The following SHISA5 variants were observed in gnomAD, a reference collection of about 807,000 sequenced individuals.
SHISA5 encodes the protein shisa family member 5, also known as protein shisa-5.
A neutral mutation model predicts 27.5 loss-of-function variants in SHISA5; 21 were observed. That is an observed-to-expected ratio of 0.76 (90% CI 0.54 to 1.10). SHISA5 has a LOEUF of 1.10. Among genes scored for constraint, SHISA5 ranks in the 50% least tolerant of loss-of-function variants. The probability of loss-of-function intolerance (pLI) is 0.00; values close to 1 mark genes in which losing one functional copy is unlikely to be tolerated. For synonymous variants in SHISA5, 137 were observed against 142.2 expected (o/e 0.96, Z 0.26); for missense variants, 314 against 336.3 (o/e 0.93, Z 0.52).
intron 2 of SHISA5, among the ~76,000 whole-genome samples, chr3:48,488,176 C>T (rs1231096394): frequency 6.7e-6 from 1 of 149,370 alleles, no homozygotes; most frequent in African/African-American, 2.5e-5. Context: ...TTGAGCAATT[C>T]AGAGGAAAAC....
chr3:48,473,262 A>G lies in SHISA5; in HGVS notation c.315-3419T>C. On this transcript the variant is annotated intron_variant, in intron 3 of 5. Transcript: ENST00000296444. The surrounding 1 kb of genome is among the most constrained non-coding windows in gnomAD (Gnocchi z 4.3). The stretch of plus-strand genomic sequence containing the variant: ...GGGGCGGGGGCCGGGGAGGAGGGGA[A>G]GCAGAGGTGCCCCATTTGCCTCCCA... The G allele has an allele frequency of 7.1e-7, 1 of 1,414,828 alleles. No homozygotes were observed. Among genetic ancestry groups the G allele is most frequent in the African/African-American group, 1.4e-5 (1 of 69,360 alleles). 87.6% of individuals were successfully genotyped at this position (1,414,828 alleles called of 1,614,324 possible).
rs541713840 is a variant in SHISA5, at chr3:48,467,949, C to T, written c.*1158G>A. ...GAAACACAACAGATTTGAGCTAAGA[C>T]AGCTCTGGTGAAACAGTAATAGAGG... is the stretch of plus-strand genomic sequence containing the variant. On this transcript the variant is annotated 3_prime_UTR_variant, in exon 6 of 6. Coordinates refer to ENST00000296444, the MANE Select transcript of SHISA5 (RefSeq NM_016479.6). 2.3e-4 allele frequency: 71 copies of T among 304,560 alleles called. 1 individual carries two copies. The highest frequency in any genetic ancestry group is 1.4e-3 in the African/African-American group (68 of 47,084). 18.9% of individuals were successfully genotyped at this position (304,560 alleles called of 1,614,324 possible). A position where few individuals can be genotyped will look rare whatever the true frequency, so the allele number is the denominator to read the frequency against.
Position 48,473,048 on chromosome 3 carries a change from A to T in SHISA5, c.315-3205T>A. The T allele has an allele frequency of 6.5e-7, 1 of 1,531,710 alleles. No homozygotes were observed. The highest frequency in any genetic ancestry group is 8.7e-7 in the Non-Finnish European group (1 of 1,145,734). 94.9% of individuals were successfully genotyped at this position (1,531,710 alleles called of 1,614,324 possible). A position where few individuals can be genotyped will look rare whatever the true frequency, so the allele number is the denominator to read the frequency against. ...CTGCCTTCACCCAGAGGCCTCCTGT[A>T]CCCCTGGGCTTTCCCCTCTTCCCAT... On this transcript the variant is annotated intron_variant, in intron 3 of 5. Transcript: ENST00000296444. This position sits in a 1 kb window ranked among gnomAD's most constrained non-coding sequence, Gnocchi z 4.3.
At chr3:48,501,060 A>G (rs921874488) in intron 2 of SHISA5, 77 bp downstream of exon 2, 38 of 1,460,398 alleles carry the variant, frequency 2.6e-5, no homozygotes, top group Non-Finnish European at 3.2e-5. Context: ...AGAGGGGCAG[A>G]GCTATCTCTC....
chr3:48,500,061 G>T (rs1575334251), intron 2 of SHISA5, among the ~76,000 whole-genome samples: 1 of 151,888 alleles, frequency 6.6e-6, no homozygotes. Context: ...GTTTCCAAGA[G>T]AATTCTTACA....
chr3:48,475,061 G>A (rs1000991317), intron 3 of SHISA5, among the ~76,000 whole-genome samples: 2 of 151,880 alleles, frequency 1.3e-5, no homozygotes, highest in Non-Finnish European at 2.9e-5. Context: ...TACAGCTTTC[G>A]GCCACCACTA....
intron 3 of SHISA5, among the ~76,000 whole-genome samples, chr3:48,472,324 C>A (rs2040660363): frequency 6.6e-6 from 1 of 150,888 alleles, no homozygotes; most frequent in Non-Finnish European, 1.5e-5. Context: ...CCCATCTCTA[C>A]TAAAATACAA....
chr3:48,469,563 G>A lies in SHISA5; in HGVS notation c.441C>T (p.Thr147=), dbSNP rs761492896. The A allele has an allele frequency of 7.0e-5, 112 of 1,606,798 alleles. No homozygotes were observed. The Middle Eastern group carries it at 2.7e-3, about 38-fold the overall frequency. ...GCACCACAGTGGTGGATGTGGTGGT[G>A]GTGACAACCGCTGCAAAGAGAATTC... is the stretch of plus-strand genomic sequence containing the variant. ...KTCRRPRPVV[T]TTTSTTVVHA... is the part of the protein sequence containing the mutation. The change falls in exon 5 of 6, where the codon ACC becomes ACT. Residue 147 remains threonine (T), a synonymous_variant. Transcript: ENST00000296444. The surrounding 1 kb of genome is among the most constrained non-coding windows in gnomAD (Gnocchi z 4.6).
At chr3:48,476,113 C>T (rs1262787728) in intron 3 of SHISA5, among the ~76,000 whole-genome samples, 1 of 151,994 alleles carries the variant, frequency 6.6e-6, no homozygotes, top group Admixed American at 6.6e-5. Flanking sequence ...GAGGCTGAGG[C>T]GGGCAGATCA....
At chr3:48,483,805 C>T (rs1360211367) in intron 2 of SHISA5, among the ~76,000 whole-genome samples, 3 of 149,870 alleles carry the variant, frequency 2.0e-5, no homozygotes, top group Admixed American at 6.7e-5. Context: ...GGCGGCTGGC[C>T]GGGCGGGGGG....
At chr3:48,479,353 A>G in intron 2 of SHISA5, 96 bp from the exon 3 acceptor site, 1 of 1,227,776 alleles carries the variant, frequency 8.1e-7, no homozygotes, top group Non-Finnish European at 1.1e-6. Context: ...CACAGAAGCT[A>G]CTATGAACCG....
At chr3:48,490,885 C>G (rs1472028071) in intron 2 of SHISA5, among the ~76,000 whole-genome samples, 2 of 152,116 alleles carry the variant, frequency 1.3e-5, no homozygotes, top group Non-Finnish European at 1.5e-5. Context: ...GAATAGGAAA[C>G]ATTTGTCATC....
In SHISA5 at chr3:48,473,514, C is replaced by T; in HGVS notation, c.315-3671G>A. The T allele has an allele frequency of 7.8e-7, 1 of 1,289,742 alleles. No individual in the cohort carries two copies. Among genetic ancestry groups the T allele is most frequent in the Non-Finnish European group, 1.0e-6 (1 of 989,182 alleles). 79.9% of individuals were successfully genotyped at this position (1,289,742 alleles called of 1,614,324 possible). ...GGCGACCCTGGGGCCCTGGCTGACA[C>T]ACATGCAAGGAGCAAAGTCCAGCCT... is the stretch of plus-strand genomic sequence containing the variant. On this transcript the variant is annotated intron_variant, in intron 3 of 5. Transcript: ENST00000296444. This position sits in a 1 kb window ranked among gnomAD's most constrained non-coding sequence, Gnocchi z 4.3.
At chr3:48,486,625 G>A (rs964983812) in intron 2 of SHISA5, among the ~76,000 whole-genome samples, 8 of 136,370 alleles carry the variant, frequency 5.9e-5, no homozygotes, top group African/African-American at 1.1e-4. Context: ...TAGATTATAA[G>A]CTCACGCCTA....
rs1020553860 is a variant in SHISA5 at position 48,470,266 on chromosome 3, G to A, written c.315-423C>T. ...TCTGGGAGCCCACAGTCCAGTGTAG[G>A]AGGCAGACAGTGAAGATAACATGGC... is the stretch of plus-strand genomic sequence containing the variant. On this transcript the variant is annotated intron_variant, in intron 3 of 5. Transcript: ENST00000296444. This position sits in a 1 kb window ranked among gnomAD's most constrained non-coding sequence, Gnocchi z 4.3. Among the ~76,000 whole-genome samples the A allele has an allele frequency of 7.2e-5, 11 of 152,242 alleles. No homozygotes were observed. Among genetic ancestry groups the A allele is most frequent in the Non-Finnish European group, 1.6e-4 (11 of 68,046 alleles).
Position 48,484,491 on chromosome 3 carries a change from G to A in SHISA5, c.234-5234C>T, listed in dbSNP as rs1424759787. On this transcript the variant is annotated intron_variant, in intron 2 of 5. Transcript: ENST00000296444. ...CCTGCCTGTAATTCCAGCTACTCAG[G>A]AGGCGGAGACAGGAGAATTGCTTGA... Among the ~76,000 whole-genome samples, 3 of 152,050 alleles carry A rather than the reference G, an allele frequency of 2.0e-5. No homozygotes were observed. In the East Asian group the frequency reaches 5.8e-4, roughly 29 times the overall value.
In SHISA5 at chr3:48,473,181, C is replaced by G. The variant is rs2040704571; in HGVS notation, c.315-3338G>C. 10 of 1,437,074 alleles carry G rather than the reference C, an allele frequency of 7.0e-6. No homozygotes were observed. Among genetic ancestry groups the G allele is most frequent in the Middle Eastern group, 2.2e-4 (1 of 4,560 alleles). 89.0% of individuals were successfully genotyped at this position (1,437,074 alleles called of 1,614,324 possible). A position where few individuals can be genotyped will look rare whatever the true frequency, so the allele number is the denominator to read the frequency against. ...CACAGACGCGAAGCCCCGTTCCACC[C>G]TCTTAAAGACACAGGATGGCCCCGC... is the stretch of plus-strand genomic sequence containing the variant. On this transcript the variant is annotated intron_variant, in intron 3 of 5. Transcript: ENST00000296444. The surrounding 1 kb of genome is among the most constrained non-coding windows in gnomAD (Gnocchi z 4.3).
intron 3 of SHISA5, among the ~76,000 whole-genome samples, chr3:48,476,468 G>T (rs1014020665): frequency 6.6e-6 from 1 of 152,180 alleles, no homozygotes; most frequent in Non-Finnish European, 1.5e-5. Flanking sequence ...CTGGCCTGGG[G>T]TCTTTCCCCT....
intron 2 of SHISA5, among the ~76,000 whole-genome samples, chr3:48,500,244 AAAGGATGT>A (rs1256603722): frequency 6.6e-6 from 1 of 152,200 alleles, no homozygotes; most frequent in Non-Finnish European, 1.5e-5. Context: ...CAAATAATGA[AAAGGATGT>A]ACCTTATACA....
Sources: allele counts gnomAD v4.1 joint callset (sites outside exome capture counted in the v4.1 genomes callset), GRCh38; gene constraint gnomAD v4.1.1; non-coding constraint Gnocchi (gnomAD v3.1); transcripts MANE v1.5; gene names NCBI Gene and HGNC (gene_info 2026-07-23, HGNC 2026-07-21).